The following PCDHGA1 variants were observed in gnomAD, a reference collection of about 807,000 sequenced individuals.
The protein encoded by PCDHGA1 is protocadherin gamma-A1.
A neutral mutation model predicts 58.0 loss-of-function variants in PCDHGA1; 32 were observed. The observed-to-expected ratio is 0.55, with a 90% CI of 0.42 to 0.74. The LOEUF is 0.74. Among genes scored for constraint, PCDHGA1 ranks in the 30% least tolerant of loss-of-function variants. The pLI is 0.00. For synonymous variants in PCDHGA1, 498 were observed against 501.1 expected (o/e 0.99, Z 0.08); for missense variants, 1,205 against 1,182.3 (o/e 1.02, Z -0.28).
chr5:141,346,147 T>A, intron 1 of PCDHGA1: 2 of 1,614,016 alleles, frequency 1.2e-6, no homozygotes, highest in Non-Finnish European at 1.7e-6. Context: ...TGCGTCTTCC[T>A]GGCCTTCGTC....
intron 1 of PCDHGA1, among the ~76,000 whole-genome samples, chr5:141,466,884 T>G (rs901947336): frequency 2.6e-5 from 4 of 152,212 alleles, no homozygotes; most frequent in Admixed American, 1.3e-4. Flanking sequence ...TTTCATAATA[T>G]GCATTTTCCA....
In PCDHGA1 at chr5:141,505,598, C is replaced by T. The variant is rs532473064; in HGVS notation, c.2569+117C>T. The T allele has an allele frequency of 1.4e-3, 2,157 of 1,556,732 alleles. 3 individuals are homozygous for T. Among genetic ancestry groups the T allele is most frequent in the Non-Finnish European group, 1.8e-3 (2,025 of 1,148,246 alleles). ...ACCTGTGTAGTTTCTCCAGATCTTT[C>T]GGCAGGTCTGAAAGGACCCACAATT... On this transcript the variant is annotated intron_variant, in intron 3 of 3. Coordinates refer to ENST00000517417, the MANE Select transcript of PCDHGA1 (RefSeq NM_018912.3).
chr5:141,399,682 G>C, intron 1 of PCDHGA1: 2 of 1,613,512 alleles, frequency 1.2e-6, no homozygotes, highest in Non-Finnish European at 1.7e-6. Context: ...CTTTGACTAC[G>C]AGCAGCTGCG....
chr5:141,413,302 T>C (rs746274089), intron 1 of PCDHGA1: 2 of 1,613,960 alleles, frequency 1.2e-6, no homozygotes, highest in Non-Finnish European at 8.5e-7. Context: ...TCCTGAGGAA[T>C]TAGAGAAAGG....
intron 1 of PCDHGA1, among the ~76,000 whole-genome samples, chr5:141,346,686 T>C (rs1034034390): frequency 1.3e-5 from 2 of 152,174 alleles, no homozygotes; most frequent in Non-Finnish European, 2.9e-5. Context: ...GAAAGTAAAG[T>C]GTCACTTCCT....
At chr5:141,393,276 C>T (rs773579763) in intron 1 of PCDHGA1, 1 of 1,613,968 alleles carries the variant, frequency 6.2e-7, no homozygotes, top group African/African-American at 1.3e-5. Context: ...TTATCCACTC[C>T]CAGAAGCTGT....
At chr5:141,450,995 T>G (rs983544118) in intron 1 of PCDHGA1, among the ~76,000 whole-genome samples, 3 of 151,510 alleles carry the variant, frequency 2.0e-5, no homozygotes, top group Non-Finnish European at 4.4e-5. Context: ...CGGCTAATTT[T>G]TTTGTATTTT....
chr5:141,339,186 C>T (rs751718275), intron 1 of PCDHGA1: 2 of 1,614,002 alleles, frequency 1.2e-6, no homozygotes, highest in Non-Finnish European at 1.7e-6. Context: ...AGAGGTAGGT[C>T]CCAGCTCTTT....
At position 141,486,694 on chromosome 5, in the gene PCDHGA1, C is replaced by T. The variant is rs1275794121; in HGVS notation, c.2422-8113C>T. ...ATCGAGATGTATCAGCTTCCTCTTTCATCTCTCTGAACCCCCAGACAGGAG... is the reference window on the plus strand; with the variant it reads ...ATCGAGATGTATCAGCTTCCTCTTTTATCTCTCTGAACCCCCAGACAGGAG... On this transcript the variant is annotated intron_variant, in intron 1 of 3. Transcript: ENST00000517417. This position sits in a 1 kb window ranked among gnomAD's most constrained non-coding sequence, Gnocchi z 5.0. 1.2e-6 allele frequency: 2 copies of T among 1,614,168 alleles called. No individual in the cohort carries two copies. Among genetic ancestry groups the T allele is most frequent in the Non-Finnish European group, 1.7e-6 (2 of 1,180,044 alleles).
chr5:141,474,260 A>G (rs1459875243), intron 1 of PCDHGA1, among the ~76,000 whole-genome samples: 1 of 152,170 alleles, frequency 6.6e-6, no homozygotes, highest in Non-Finnish European at 1.5e-5. Flanking sequence ...AGACTGATAA[A>G]CCAGTGTATC....
In PCDHGA1 at chr5:141,331,771, G is replaced by A; in HGVS notation, c.1087G>A (p.Gly363Arg). The change falls in exon 1 of 4, where the codon GGG (glycine) becomes AGG (arginine). Residue 363 changes from glycine to arginine, a missense_variant. Gly to Arg is a moderately radical substitution (Grantham distance 125, BLOSUM62 -2). Coordinates refer to ENST00000517417, the MANE Select transcript of PCDHGA1 (RefSeq NM_018912.3). Reference sequence around the variant, plus strand: ...TGCAGTTCCAGAAAACTTTCCTCCTGGGACCATAATTGCTCTTATCAGTGT... The same window carrying A: ...TGCAGTTCCAGAAAACTTTCCTCCTAGGACCATAATTGCTCTTATCAGTGT... ...TTAVPENFPP[G>R]TIIALISVHD... 1 of 1,614,114 alleles carries A rather than the reference G, an allele frequency of 6.2e-7. No homozygotes were observed. Among genetic ancestry groups the A allele is most frequent in the Non-Finnish European group, 8.5e-7 (1 of 1,180,022 alleles).
In PCDHGA1 at chr5:141,362,588, G is replaced by T. The variant is rs79703171; in HGVS notation, c.2421+29483G>T. The T allele has an allele frequency of 1.7e-3, 2,783 of 1,592,322 alleles. 42 individuals carry two copies. In the African/African-American group the frequency reaches 0.031, roughly 18 times the overall value. On this transcript the variant is annotated intron_variant, in intron 1 of 3. Coordinates refer to ENST00000517417, the MANE Select transcript of PCDHGA1 (RefSeq NM_018912.3). ...TTTAATTAATTTATTTTCACTTCTG[G>T]TTTTATTGTTTCACCTAATTTGGGT...
At chr5:141,480,859 A>G (rs1197372110) in intron 1 of PCDHGA1, among the ~76,000 whole-genome samples, 2 of 152,178 alleles carry the variant, frequency 1.3e-5, no homozygotes, top group Non-Finnish European at 2.9e-5. Context: ...AGCCTGGCCA[A>G]TATGGTGAAA....
chr5:141,486,985 T>C lies in PCDHGA1; in HGVS notation c.2422-7822T>C. On this transcript the variant is annotated intron_variant, in intron 1 of 3. Coordinates refer to ENST00000517417, the MANE Select transcript of PCDHGA1 (RefSeq NM_018912.3). The surrounding 1 kb of genome is among the most constrained non-coding windows in gnomAD (Gnocchi z 5.0). ...TGGACTTGGATTCAGGTTACAATGC[T>C]TGGGTTTCCTATCAGCTCCTGGAGG... 1 of 1,614,208 alleles carries C rather than the reference T, an allele frequency of 6.2e-7. No individual in the cohort carries two copies. The highest frequency in any genetic ancestry group is 8.5e-7 in the Non-Finnish European group (1 of 1,180,040).
intron 1 of PCDHGA1, among the ~76,000 whole-genome samples, chr5:141,434,935 T>C (rs952530533): frequency 6.6e-6 from 1 of 151,788 alleles, no homozygotes; most frequent in Non-Finnish European, 1.5e-5. Flanking sequence ...TTTTATATAA[T>C]AGATATAATT....
At chr5:141,368,027 C>A (rs1267918873) in intron 1 of PCDHGA1, among the ~76,000 whole-genome samples, 1 of 152,084 alleles carries the variant, frequency 6.6e-6, no homozygotes, top group Non-Finnish European at 1.5e-5. Flanking sequence ...GCCTCAAATT[C>A]CAGGAGGATG....
At position 141,427,172 on chromosome 5, in the gene PCDHGA1, TG is replaced by T. The variant is rs757372749; in HGVS notation, c.2422-67631del. ...ATATGTTTGTGCTAGACCATCAAAA[TG>T]GGGAAATTAAATCCAAAGACTTAAT... On this transcript the variant is annotated intron_variant, in intron 1 of 3. Coordinates refer to ENST00000517417, the MANE Select transcript of PCDHGA1 (RefSeq NM_018912.3). The T allele has an allele frequency of 3.9e-5, 18 of 456,596 alleles. 1 individual carries two copies. The highest frequency in any genetic ancestry group is 2.6e-4 in the South Asian group (17 of 64,568). 28.3% of individuals were successfully genotyped at this position (456,596 alleles called of 1,614,324 possible). A position where few individuals can be genotyped will look rare whatever the true frequency, so the allele number is the denominator to read the frequency against.
At chr5:141,448,786 A>G (rs1354591718) in intron 1 of PCDHGA1, among the ~76,000 whole-genome samples, 1 of 148,848 alleles carries the variant, frequency 6.7e-6, no homozygotes, top group African/African-American at 2.5e-5. Context: ...TAAAAATACA[A>G]AAAAAAAAAT....
intron 1 of PCDHGA1, chr5:141,492,023 C>T: frequency 1.8e-6 from 1 of 564,804 alleles, no homozygotes; most frequent in Non-Finnish European, 3.0e-6. Context: ...TCGGGGGTCC[C>T]GGGAGGAGGC....
Sources: allele counts gnomAD v4.1 joint callset (sites outside exome capture counted in the v4.1 genomes callset), GRCh38; gene constraint gnomAD v4.1.1; non-coding constraint Gnocchi (gnomAD v3.1); transcripts MANE v1.5; gene names NCBI Gene and HGNC (gene_info 2026-07-23, HGNC 2026-07-21).